TLR2: variants seen among roughly 807,000 people sequenced by gnomAD.
The protein encoded by TLR2 is toll like receptor 2.
A neutral mutation model predicts 9.1 loss-of-function variants in TLR2; 7 were observed. That is an observed-to-expected ratio of 0.77 (90% confidence interval 0.44 to 1.44). The LOEUF (loss-of-function observed/expected upper bound fraction) is 1.44, where lower values mean the gene tolerates loss of function less well. Among genes scored for constraint, TLR2 ranks in the 40% most tolerant of loss-of-function variants. The probability of loss-of-function intolerance (pLI) is 0.01; values close to 1 mark genes in which losing one functional copy is unlikely to be tolerated. For missense variants in TLR2, 812 were observed against 904.6 expected, an observed-to-expected ratio of 0.90 and a Z score of 1.31; for synonymous variants, 317 against 344.6, an observed-to-expected ratio of 0.92 and a Z score of 0.89.
downstream of TLR2, among the ~76,000 whole-genome samples, chr4:153,706,458 G>C (rs943790079): frequency 6.6e-6 from 1 of 152,092 alleles, no homozygotes; most frequent in African/African-American, 2.4e-5. Flanking sequence ...ATTTTAAAAA[G>C]TACATGTGAG....
intron 1 of TLR2, among the ~76,000 whole-genome samples, chr4:153,687,655 C>G (rs1578961118): frequency 6.6e-6 from 1 of 152,152 alleles, no homozygotes; most frequent in East Asian, 1.9e-4. Context: ...CAAGCTTTAG[C>G]CAATCACAGG....
At chr4:153,698,054 A>G (rs1736626754) in intron 2 of TLR2, among the ~76,000 whole-genome samples, 1 of 152,194 alleles carries the variant, frequency 6.6e-6, no homozygotes, top group African/African-American at 2.4e-5. Context: ...GTGAAAAACA[A>G]TTATATAAAG....
intron 2 of TLR2, among the ~76,000 whole-genome samples, chr4:153,689,493 G>T (rs1474421185): frequency 6.6e-6 from 1 of 152,212 alleles, no homozygotes; most frequent in Non-Finnish European, 1.5e-5. Context: ...TCACTGCGCA[G>T]CACCTCTGCC....
Position 153,703,305 on chromosome 4 carries a change from G to C in TLR2, c.398G>C (p.Gly133Ala). The change falls in exon 3 of 3, where the codon GGA (glycine) becomes GCA (alanine). Residue 133 changes from glycine (G) to alanine (A), a missense_variant. Physicochemically the swap from Gly to Ala is moderately conservative, Grantham distance 60. Coordinates refer to ENST00000642700, the MANE Select transcript of TLR2 (RefSeq NM_001318789.2). ...TCTTTAACATTCTTAAACTTACTGG[G>C]AAATCCTTACAAAACCCTAGGGGAA... ...LSSLTFLNLL[G>A]NPYKTLGETS... 1 of 1,612,274 alleles carries C rather than the reference G, an allele frequency of 6.2e-7. No individual in the cohort carries two copies. The highest frequency in any genetic ancestry group is 8.5e-7 in the Non-Finnish European group (1 of 1,179,636).
At chr4:153,697,712 TA>T (rs1736600360) in intron 2 of TLR2, among the ~76,000 whole-genome samples, 1 of 152,164 alleles carries the variant, frequency 6.6e-6, no homozygotes, top group Admixed American at 6.5e-5. Context: ...AGAGAGATAT[TA>T]AACTAATTGG....
At chr4:153,702,046 G>C (rs1736931389) in intron 2 of TLR2, 1 of 152,236 alleles carries the variant, frequency 6.6e-6, no homozygotes, top group African/African-American at 2.4e-5. Flanking sequence ...ACAGATGCAA[G>C]AAATGAGGTA....
intron 2 of TLR2, among the ~76,000 whole-genome samples, chr4:153,696,835 C>G (rs1736536372): frequency 6.8e-6 from 1 of 147,660 alleles, no homozygotes; most frequent in African/African-American, 2.5e-5. Context: ...TTGAGACCAG[C>G]TGGGGCAATG....
chr4:153,695,604 A>C (rs1422403700), intron 2 of TLR2, among the ~76,000 whole-genome samples: 2 of 152,126 alleles, frequency 1.3e-5, no homozygotes, highest in South Asian at 2.1e-4. Context: ...TAGTTTGTGA[A>C]TATTTTCTCC....
At chr4:153,702,760 CTTTGTGTG>C (rs1243084806) in intron 2 of TLR2, 124 bp from the exon 3 acceptor site, 19 of 392,522 alleles carry the variant, frequency 4.8e-5, no homozygotes, top group African/African-American at 1.9e-4. Flanking sequence ...CTCTCTCTCT[CTTTGTGTG>C]TGTGTGTGTG....
chr4:153,696,384 C>A (rs1366612857), intron 2 of TLR2, among the ~76,000 whole-genome samples: 1 of 152,030 alleles, frequency 6.6e-6, no homozygotes, highest in Non-Finnish European at 1.5e-5. Context: ...TTTCTTTCAT[C>A]AGTGTTTATA....
At chr4:153,698,358 A>G (rs1736649957) in intron 2 of TLR2, among the ~76,000 whole-genome samples, 1 of 152,214 alleles carries the variant, frequency 6.6e-6, no homozygotes, top group Non-Finnish European at 1.5e-5. Flanking sequence ...GAACACTATA[A>G]TATTCATCTG....
intron 2 of TLR2, among the ~76,000 whole-genome samples, chr4:153,693,923 G>A (rs529985746): frequency 6.6e-5 from 10 of 152,150 alleles, no homozygotes; most frequent in Admixed American, 3.9e-4. Flanking sequence ...GCCACTTGCC[G>A]AGACCAGCTC....
chr4:153,694,059 A>G (rs1236265781), intron 2 of TLR2, among the ~76,000 whole-genome samples: 1 of 152,222 alleles, frequency 6.6e-6, no homozygotes, highest in African/African-American at 2.4e-5. Flanking sequence ...ACAGAGATTT[A>G]CCCACGTATT....
downstream of TLR2, chr4:153,710,390 GA>G: frequency 1.9e-6 from 3 of 1,559,342 alleles, no homozygotes; most frequent in Non-Finnish European, 2.6e-6. Context: ...CTAGTGAATA[GA>G]TAATGCCTTG....
At chr4:153,698,126 G>T (rs1436422920) in intron 2 of TLR2, among the ~76,000 whole-genome samples, 3 of 152,092 alleles carry the variant, frequency 2.0e-5, no homozygotes, top group African/African-American at 7.2e-5. Flanking sequence ...TAAAAGATTC[G>T]TGGAAAGGAC....
downstream of TLR2, among the ~76,000 whole-genome samples, chr4:153,709,153 T>C (rs1392053016): frequency 6.6e-6 from 1 of 152,216 alleles, no homozygotes; most frequent in African/African-American, 2.4e-5. Flanking sequence ...CCCTGACCTA[T>C]TTCAATAATA....
intron 2 of TLR2, among the ~76,000 whole-genome samples, chr4:153,692,746 A>T (rs1232289289): frequency 1.3e-5 from 2 of 152,218 alleles, no homozygotes; most frequent in Admixed American, 6.5e-5. Flanking sequence ...TACAGAAGTT[A>T]TAATTTTTTG....
chr4:153,691,942 T>G (rs771154484), intron 2 of TLR2, among the ~76,000 whole-genome samples: 6 of 152,264 alleles, frequency 3.9e-5, no homozygotes, highest in Non-Finnish European at 7.4e-5. Flanking sequence ...TGGAGTAATA[T>G]TTCTTGAGTG....
At chr4:153,702,760 CTTTGTGTGTG>C in intron 2 of TLR2, 122 bp from the exon 3 acceptor site, 4 of 392,602 alleles carry the variant, frequency 1.0e-5, no homozygotes, top group Non-Finnish European at 1.6e-5. Flanking sequence ...CTCTCTCTCT[CTTTGTGTGTG>C]TGTGTGTGTG....
Sources: gnomAD v4.1 joint callset for allele counts (sites outside exome capture counted in the v4.1 genomes callset) on GRCh38, gnomAD v4.1.1 for gene constraint, MANE v1.5 for transcripts, NCBI Gene and HGNC (gene_info 2026-07-23, HGNC 2026-07-21) for gene names.